Variants in DIP2C observed in about 807,000 individuals in gnomAD.
DIP2C encodes DIP2 acetate--CoA ligase C (putative).
Under a neutral mutation model 192.4 loss-of-function variants are expected in DIP2C, and 33 were observed. That is an observed-to-expected ratio of 0.17 (90% CI 0.13 to 0.23). The LOEUF (loss-of-function observed/expected upper bound fraction) is 0.23, where lower values mean the gene tolerates loss of function less well. Ranked by LOEUF, DIP2C falls within the 10% of genes least tolerant of loss-of-function variation. The pLI, the probability that DIP2C is intolerant of heterozygous loss-of-function variation, is 1.00. For synonymous variants in DIP2C, 979 were observed against 864.1 expected (o/e 1.13, Z -2.33); for missense variants, 1,537 against 2,110.1 (o/e 0.73, Z 5.32).
intron 2 of DIP2C, among the ~76,000 whole-genome samples, chr10:483,085 C>T (rs1183841084): frequency 6.6e-6 from 1 of 152,250 alleles, no homozygotes; most frequent in African/African-American, 2.4e-5. Flanking sequence ...CCGACAGACG[C>T]TGCCCTCCTG....
chr10:624,459 T>C (rs538107384), intron 1 of DIP2C, among the ~76,000 whole-genome samples: 9 of 152,330 alleles, frequency 5.9e-5, no homozygotes, highest in African/African-American at 1.7e-4. Flanking sequence ...ATCCAGGCTT[T>C]TGTGCCTCAC....
rs1431271320 is a variant in DIP2C at position 274,290 on chromosome 10, A to C, written c.*3035T>G. On this transcript the variant is annotated 3_prime_UTR_variant, in exon 37 of 37. Coordinates refer to ENST00000280886, the MANE Select transcript of DIP2C (RefSeq NM_014974.3). ...GCCATAGGAATTATTTTTAGCAATA[A>C]ATGCCCACATCAAAATTTAAACATT... The C allele has an allele frequency of 6.6e-6, 1 of 152,218 alleles. No homozygotes were observed. The highest frequency in any genetic ancestry group is 6.5e-5 in the Admixed American group (1 of 15,286). The allele number at this position is 152,218 out of a possible 1,614,324, so 9.4% of individuals were successfully genotyped here. A position where few individuals can be genotyped will look rare whatever the true frequency, so the allele number is the denominator to read the frequency against.
At chr10:391,303 AGGC>A (rs1217267494) in intron 10 of DIP2C, among the ~76,000 whole-genome samples, 4 of 62,276 alleles carry the variant, frequency 6.4e-5, no homozygotes, top group African/African-American at 2.0e-4. Flanking sequence ...CAAAGACCAA[AGGC>A]ACGAAAGGCA....
At chr10:447,486 A>C (rs1377667916) in intron 3 of DIP2C, among the ~76,000 whole-genome samples, 1 of 148,386 alleles carries the variant, frequency 6.7e-6, no homozygotes, top group Non-Finnish European at 1.5e-5. Flanking sequence ...GATACTCAGG[A>C]TCACACACAG....
chr10:393,778 CAAAAAAAAAAAAA>C (rs34390976), intron 10 of DIP2C, among the ~76,000 whole-genome samples: 1 of 66,734 alleles, frequency 1.5e-5, no homozygotes, highest in Non-Finnish European at 2.7e-5. Context: ...GACTCCGTCT[CAAAAAAAAAAAAA>C]AAAAAGAAAA....
chr10:679,895 A>C (rs1156508978), intron 1 of DIP2C, among the ~76,000 whole-genome samples: 1 of 152,230 alleles, frequency 6.6e-6, no homozygotes, highest in Non-Finnish European at 1.5e-5. Context: ...AATGGAGGTA[A>C]AGAAAATAAA....
intron 17 of DIP2C, among the ~76,000 whole-genome samples, chr10:381,553 C>G (rs1341852545): frequency 1.3e-5 from 2 of 152,174 alleles, no homozygotes; most frequent in East Asian, 3.9e-4. Context: ...CCAGAGACCA[C>G]TCCTCCAGAC....
At position 342,449 on chromosome 10, in the gene DIP2C, C is replaced by T. The variant is rs901451528; in HGVS notation, c.3454-1120G>A. Among the ~76,000 whole-genome samples, 23 of 152,304 alleles carry T rather than the reference C, an allele frequency of 1.5e-4. 1 individual carries two copies. The South Asian group carries it at 3.3e-3, about 22-fold the overall frequency. ...CTGGGATTACAGGCACGAGACACCG[C>T]GCCTGGCCTCGTGTGACCCTCTCTC... On this transcript the variant is annotated intron_variant, in intron 28 of 36. Coordinates refer to ENST00000280886, the MANE Select transcript of DIP2C (RefSeq NM_014974.3).
intron 1 of DIP2C, among the ~76,000 whole-genome samples, chr10:642,926 G>A (rs886743558): frequency 5.3e-5 from 8 of 152,344 alleles, no homozygotes; most frequent in South Asian, 2.1e-4. Context: ...ACACAGGGCC[G>A]GGCACGGTGG....
At position 619,532 on chromosome 10, in the gene DIP2C, C is replaced by CAGGGCCAGGGCCAGGGCCAGGGCCAA. The variant is rs750101870; in HGVS notation, c.85+69961_85+69962insTTGGCCCTGGCCCTGGCCCTGGCCCT. ...TTTATGCCAGGGCCAGGACCAAGCC[C>CAGGGCCAGGGCCAGGGCCAGGGCCAA]GCCCGCCCGCCCTCCCACCCAGCTC... On this transcript the variant is annotated intron_variant, in intron 1 of 36. Transcript: ENST00000280886. Among the ~76,000 whole-genome samples the CAGGGCCAGGGCCAGGGCCAGGGCCAA allele has an allele frequency of 6.9e-3, 280 of 40,750 alleles. 1 individual carries two copies. Among genetic ancestry groups the CAGGGCCAGGGCCAGGGCCAGGGCCAA allele is most frequent in the East Asian group, 0.039 (61 of 1,570 alleles). The allele number at this position is 40,750 out of a possible 152,430, so 26.7% of individuals were successfully genotyped here. A position where few individuals can be genotyped will look rare whatever the true frequency, so the allele number is the denominator to read the frequency against.
At chr10:359,282 G>T (rs1589602331) in intron 22 of DIP2C, among the ~76,000 whole-genome samples, 1 of 152,236 alleles carries the variant, frequency 6.6e-6, no homozygotes, top group South Asian at 2.1e-4. Flanking sequence ...CTCTACAGAT[G>T]CACGGCCATC....
chr10:336,929 G>A (rs1313466982), intron 29 of DIP2C, among the ~76,000 whole-genome samples: 1 of 55,120 alleles, frequency 1.8e-5, no homozygotes, highest in African/African-American at 3.8e-5. Flanking sequence ...TGTTGTGGAG[G>A]CCTAGACTGG....
intron 8 of DIP2C, among the ~76,000 whole-genome samples, chr10:413,680 G>A (rs958467460): frequency 7.2e-5 from 11 of 152,206 alleles, no homozygotes; most frequent in African/African-American, 1.9e-4. Context: ...GTGGCTGCGC[G>A]AGGGGGTGGG....
chr10:351,406 C>T (rs1189024976), intron 24 of DIP2C, among the ~76,000 whole-genome samples: 2 of 152,186 alleles, frequency 1.3e-5, no homozygotes, highest in African/African-American at 4.8e-5. Context: ...AAAGTATACT[C>T]TCCCTGAGGA....
intron 1 of DIP2C, among the ~76,000 whole-genome samples, chr10:523,261 G>A (rs563437930): frequency 6.9e-4 from 97 of 140,162 alleles, no homozygotes; most frequent in South Asian, 5.5e-3. Context: ...CCACACACTC[G>A]TTTCCACCTG....
In DIP2C at chr10:674,789, T is replaced by TATATATAGAGAGAG; in HGVS notation, c.85+14704_85+14705insCTCTCTCTATATAT. On this transcript the variant is annotated intron_variant, in intron 1 of 36. Coordinates refer to ENST00000280886, the MANE Select transcript of DIP2C (RefSeq NM_014974.3). The stretch of plus-strand genomic sequence containing the variant: ...CATCTCAAATATATATATATATATA[T>TATATATAGAGAGAG]AGAGAGAGAGAGAGAGAGAGAGAGA... Among the ~76,000 whole-genome samples, 92 of 62,482 alleles carry TATATATAGAGAGAG rather than the reference T, an allele frequency of 1.5e-3. 1 individual carries two copies. Among genetic ancestry groups the TATATATAGAGAGAG allele is most frequent in the African/African-American group, 2.0e-3 (22 of 11,060 alleles). The allele number at this position is 62,482 out of a possible 152,430, so 41.0% of individuals were successfully genotyped here. A position where few individuals can be genotyped will look rare whatever the true frequency, so the allele number is the denominator to read the frequency against.
intron 5 of DIP2C, among the ~76,000 whole-genome samples, chr10:420,120 G>A (rs572075944): frequency 2.6e-5 from 4 of 152,206 alleles, no homozygotes; most frequent in Non-Finnish European, 2.9e-5. Context: ...ACTTTGTGTC[G>A]CTGAAAGTGG....
chr10:494,152 A>T (rs1176891798), intron 1 of DIP2C, among the ~76,000 whole-genome samples: 1 of 152,214 alleles, frequency 6.6e-6, no homozygotes, highest in Non-Finnish European at 1.5e-5. Flanking sequence ...CCCCTTCTTC[A>T]TCAGAAAGTG....
At chr10:329,666 G>GCTCA in intron 29 of DIP2C, 65 bp from the exon 30 acceptor site, 1 of 1,393,962 alleles carries the variant, frequency 7.2e-7, no homozygotes. Context: ...CAAGGCTGGA[G>GCTCA]GGCTCAGGGC....
Sources: allele counts gnomAD v4.1 joint callset (sites outside exome capture counted in the v4.1 genomes callset), GRCh38; gene constraint gnomAD v4.1.1; transcripts MANE v1.5; gene names NCBI Gene and HGNC (gene_info 2026-07-23, HGNC 2026-07-21).